The following ISX variants were observed in gnomAD, a reference collection of about 807,000 sequenced individuals.
The protein encoded by ISX is intestine specific homeobox, also known as intestine-specific homeobox.
ISX carries 15 observed loss-of-function variants against 16.9 expected under a neutral mutation model. The ratio of observed to expected loss-of-function variants is 0.89; its 90% CI spans 0.59 to 1.36. The LOEUF (loss-of-function observed/expected upper bound fraction) is 1.36, where lower values mean the gene tolerates loss of function less well. ISX is among the 40% of genes most tolerant of loss of function. ISX has a pLI of 0.00. For synonymous variants in ISX, 125 were observed against 119.7 expected (o/e 1.04, Z -0.29); for missense variants, 316 against 306.1 (o/e 1.03, Z -0.24).
Position 35,087,159 on chromosome 22 carries a change from A to T in ISX, c.*1466A>T, listed in dbSNP as rs2146297532. 3 of 152,362 alleles carry T rather than the reference A, an allele frequency of 2.0e-5. No individual in the cohort carries two copies. The South Asian group carries it at 6.2e-4, about 32-fold the overall frequency. The allele number at this position is 152,362 out of a possible 1,614,324, so 9.4% of individuals were successfully genotyped here. ...AGAACTACAGACAACAGCCCACAGG[A>T]TGCAAAAGTGCTTTGCCATCTTAAA... On this transcript the variant is annotated 3_prime_UTR_variant, in exon 5 of 5. Transcript: ENST00000404699.
Position 35,066,833 on chromosome 22 carries a change from C to A in ISX, c.-255C>A. On this transcript the variant is annotated 5_prime_UTR_variant, in exon 2 of 5. Transcript: ENST00000404699. ...CTGGAAGATTGAACCCCAATTCAGC[C>A]ATGGTGACTCCTTTGATGTCAAACT... 1 of 453,056 alleles carries A rather than the reference C, an allele frequency of 2.2e-6. No individual in the cohort carries two copies. The highest frequency in any genetic ancestry group is 3.9e-6 in the Non-Finnish European group (1 of 255,394). The allele number at this position is 453,056 out of a possible 1,614,324, so 28.1% of individuals were successfully genotyped here.
chr22:35,067,122 G>T lies in ISX; in HGVS notation c.35G>T (p.Gly12Val), dbSNP rs768766123. Residue 12 changes from glycine to valine, a missense_variant, in exon 2 of 5, where the codon GGT (glycine) becomes GTT (valine). By Grantham distance (109) the Gly-to-Val change is moderately radical. Coordinates refer to ENST00000404699, the MANE Select transcript of ISX (RefSeq NM_001303508.2). ...GAGGTGGGCCCTGCTCTCTGCAGGG[G>T]TATGGAGAGAAATAGCTTGGGGTGC... ...CAEVGPALCR[G>V]MERNSLGCCE... 4 of 1,613,962 alleles carry T rather than the reference G, an allele frequency of 2.5e-6. No individual in the cohort carries two copies. The highest frequency in any genetic ancestry group is 2.2e-5 in the South Asian group (2 of 91,066).
In ISX at chr22:35,086,962, C is replaced by G. The variant is rs1223316602; in HGVS notation, c.*1269C>G. ...AAATCCCAGATCCTCTGCAATCTAC[C>G]TGCACCCCTGACCCACCCAGGAGTT... is the stretch of plus-strand genomic sequence containing the variant. On this transcript the variant is annotated 3_prime_UTR_variant, in exon 5 of 5. Transcript: ENST00000404699. 6.6e-6 allele frequency: 1 copy of G among 152,272 alleles called. No homozygotes were observed. The highest frequency in any genetic ancestry group is 2.1e-4 in the South Asian group (1 of 4,828). 9.4% of individuals were successfully genotyped at this position (152,272 alleles called of 1,614,324 possible). A position where few individuals can be genotyped will look rare whatever the true frequency, so the allele number is the denominator to read the frequency against.
chr22:35,084,996 G>A (rs1306514038), intron 4 of ISX, among the ~76,000 whole-genome samples: 1 of 152,156 alleles, frequency 6.6e-6, no homozygotes, highest in Non-Finnish European at 1.5e-5. Context: ...CATTCATGGA[G>A]ACAGCACGTA....
intron 2 of ISX, among the ~76,000 whole-genome samples, chr22:35,071,236 C>T (rs1260375268): frequency 6.6e-6 from 1 of 152,220 alleles, no homozygotes; most frequent in Non-Finnish European, 1.5e-5. Context: ...CACTGCTCCT[C>T]CTGCCACCTC....
intron 2 of ISX, among the ~76,000 whole-genome samples, chr22:35,069,742 T>C (rs1171821659): frequency 6.6e-6 from 1 of 152,144 alleles, no homozygotes; most frequent in East Asian, 1.9e-4. Context: ...GTCCCTCCTT[T>C]TGTGCAGGAC....
intron 2 of ISX, among the ~76,000 whole-genome samples, chr22:35,074,639 C>T (rs1365198356): frequency 6.6e-6 from 1 of 152,226 alleles, no homozygotes; most frequent in Non-Finnish European, 1.5e-5. Context: ...GGTCGGCCTT[C>T]TGTAGGTATT....
At chr22:35,070,016 G>A (rs1928808259) in intron 2 of ISX, among the ~76,000 whole-genome samples, 1 of 152,180 alleles carries the variant, frequency 6.6e-6, no homozygotes, top group African/African-American at 2.4e-5. Flanking sequence ...GATGTTGGTG[G>A]CCCAAGGAAG....
At chr22:35,068,659 G>A (rs1026227782) in intron 2 of ISX, among the ~76,000 whole-genome samples, 6 of 152,154 alleles carry the variant, frequency 3.9e-5, no homozygotes, top group African/African-American at 4.8e-5. Flanking sequence ...GCCCGATGAC[G>A]GCAGGCTTCA....
intron 2 of ISX, among the ~76,000 whole-genome samples, chr22:35,081,098 A>G (rs1334299064): frequency 1.3e-5 from 2 of 152,262 alleles, no homozygotes; most frequent in African/African-American, 2.4e-5. Flanking sequence ...CCAGTAAGAA[A>G]GATTACCCAG....
Position 35,085,533 on chromosome 22 carries a change from C to A in ISX, c.578C>A (p.Ala193Asp), listed in dbSNP as rs1191293330. 3 of 1,614,208 alleles carry A rather than the reference C, an allele frequency of 1.9e-6. No individual in the cohort carries two copies. Among genetic ancestry groups the A allele is most frequent in the South Asian group, 2.2e-5 (2 of 91,084 alleles). The change falls in exon 5 of 5, where the codon GCC becomes GAC. Residue 193 changes from alanine to aspartate, a missense_variant. Physicochemically the swap from Ala to Asp is moderately radical, Grantham distance 126 (BLOSUM62 -2). Transcript: ENST00000404699. ...TGTCCATCGGCTCAAGATCAGCTGG[C>A]CTCTGCCTGGTTCCCTGCCTGGATC... ...SCCPSAQDQL[A>D]SAWFPAWITL...
At chr22:35,078,594 A>G (rs907855250) in intron 2 of ISX, among the ~76,000 whole-genome samples, 1 of 152,176 alleles carries the variant, frequency 6.6e-6, no homozygotes, top group Non-Finnish European at 1.5e-5. Flanking sequence ...GTGGGGAGTA[A>G]TGTTCAAAGC....
intron 4 of ISX, among the ~76,000 whole-genome samples, chr22:35,084,899 G>A (rs7291929): frequency 0.079 from 12,039 of 152,182 alleles, 577 homozygotes; most frequent in African/African-American, 0.13. Context: ...CTCAGAGAAT[G>A]TAATAAAGTT....
Position 35,086,065 on chromosome 22 carries a change from T to A in ISX, c.*372T>A. On this transcript the variant is annotated 3_prime_UTR_variant, in exon 5 of 5. Transcript: ENST00000404699. ...TCATCTGTAAGAGGAGCCAGCTGGA[T>A]AAGATGATTTCTGAAGACGCTTCCA... 6.3e-6 allele frequency: 2 copies of A among 315,630 alleles called. No homozygotes were observed. The highest frequency in any genetic ancestry group is 1.6e-4 in the East Asian group (2 of 12,422). The allele number at this position is 315,630 out of a possible 1,614,324, so 19.6% of individuals were successfully genotyped here. A position where few individuals can be genotyped will look rare whatever the true frequency, so the allele number is the denominator to read the frequency against.
rs1383183657 is a variant in ISX at position 35,082,524 on chromosome 22, G to A, written c.236G>A (p.Arg79Lys). The change falls in exon 3 of 5, where the codon AGG (arginine) becomes AAG (lysine). Residue 79 changes from arginine to lysine, a missense_variant. Coordinates refer to ENST00000404699, the MANE Select transcript of ISX (RefSeq NM_001303508.2). ...KPPKDQPQEG[R>K]KSKRRVRTTF... ...TGGACCCTCTCCCATGCAGAAGGAA[G>A]GAAGAGCAAGCGGAGGGTTCGTACC... The A allele has an allele frequency of 1.9e-6, 3 of 1,614,036 alleles. No individual in the cohort carries two copies. The East Asian group carries it at 6.7e-5, about 36-fold the overall frequency.
rs1285094734 is a variant in ISX, at chr22:35,073,998, A to G, written c.229+6682A>G. ...ACATGTATTGCCTTGGAGAAAATTA[A>G]GAAATCACTTCCCAGACTAAGCCAG... On this transcript the variant is annotated intron_variant, in intron 2 of 4. Coordinates refer to ENST00000404699, the MANE Select transcript of ISX (RefSeq NM_001303508.2). 2.0e-5 allele frequency among the ~76,000 whole-genome samples: 3 copies of G among 152,354 alleles called. No individual in the cohort carries two copies. The East Asian group carries it at 5.8e-4, about 29-fold the overall frequency.
chr22:35,082,352 A>C (rs1929139742), intron 2 of ISX, among the ~76,000 whole-genome samples, 166 bp from the exon 3 acceptor site: 1 of 152,228 alleles, frequency 6.6e-6, no homozygotes, highest in Non-Finnish European at 1.5e-5. Context: ...GTCTAGAGGC[A>C]GAGGATTTTA....
intron 2 of ISX, among the ~76,000 whole-genome samples, chr22:35,077,346 A>G (rs1042045189): frequency 2.0e-5 from 3 of 152,100 alleles, no homozygotes; most frequent in African/African-American, 7.2e-5. Flanking sequence ...TAACCCAAGC[A>G]TCAGCTTTCC....
At chr22:35,085,138 A>G (rs1186402272) in intron 4 of ISX, among the ~76,000 whole-genome samples, 1 of 152,152 alleles carries the variant, frequency 6.6e-6, no homozygotes, top group Non-Finnish European at 1.5e-5. Context: ...TCATTTATTC[A>G]TTCTTGGCAA....
Sources: allele counts gnomAD v4.1 joint callset (sites outside exome capture counted in the v4.1 genomes callset), GRCh38; gene constraint gnomAD v4.1.1; transcripts MANE v1.5; gene names NCBI Gene and HGNC (gene_info 2026-07-23, HGNC 2026-07-21).